Variants in CSMD3 observed in about 807,000 individuals in gnomAD.
CSMD3 encodes the protein CUB and Sushi multiple domains 3.
CSMD3 carries 177 observed loss-of-function variants against 435.2 expected under a neutral mutation model. The ratio of observed to expected loss-of-function variants is 0.41; its 90% confidence interval spans 0.36 to 0.46. CSMD3 has a LOEUF of 0.46. Among genes scored for constraint, CSMD3 ranks in the 20% least tolerant of loss-of-function variants. The pLI is 0.34. For missense variants in CSMD3, 4,265 were observed against 4,504.6 expected, an observed-to-expected ratio of 0.95 and a Z score of 1.52; for synonymous variants, 1,656 against 1,520.5, an observed-to-expected ratio of 1.09 and a Z score of -2.07.
intron 32 of CSMD3, 66 bp from the exon 33 acceptor site, chr8:112,409,098 A>G (rs1413679843): frequency 5.6e-6 from 9 of 1,608,936 alleles, no homozygotes; most frequent in East Asian, 4.5e-5. Flanking sequence ...ACAAAAAACA[A>G]AAAAATAGAA....
chr8:112,938,639 G>C (rs576157002), intron 9 of CSMD3, among the ~76,000 whole-genome samples: 5 of 152,226 alleles, frequency 3.3e-5, no homozygotes, highest in Admixed American at 2.0e-4. Flanking sequence ...GGAAATGGTA[G>C]TTTTTACTTT....
chr8:112,883,601 G>A (rs963509140), intron 10 of CSMD3, among the ~76,000 whole-genome samples: 10 of 151,792 alleles, frequency 6.6e-5, no homozygotes, highest in Admixed American at 2.6e-4. Flanking sequence ...AAATTGTACA[G>A]AGAGTTCCCA....
Position 112,223,295 on chromosome 8 carries a change from G to A in CSMD3, c.*1476C>T. 2.7e-6 allele frequency: 1 copy of A among 364,270 alleles called. No individual in the cohort carries two copies. Among genetic ancestry groups the A allele is most frequent in the Non-Finnish European group, 4.9e-6 (1 of 203,290 alleles). The allele number at this position is 364,270 out of a possible 1,614,324, so 22.6% of individuals were successfully genotyped here. ...ATTCATTAAATGTTGTAGAGATAGA[G>A]CCAAGCAGCGCTCCCAGGTGCAAGG... On this transcript the variant is annotated 3_prime_UTR_variant, in exon 71 of 71. Transcript: ENST00000297405.
chr8:112,409,936 G>A (rs1832186765), intron 32 of CSMD3, among the ~76,000 whole-genome samples: 1 of 151,680 alleles, frequency 6.6e-6, no homozygotes. Context: ...TAATTTTAAT[G>A]AAAATTTAAT....
intron 11 of CSMD3, among the ~76,000 whole-genome samples, chr8:112,855,853 G>C (rs1398474127): frequency 6.8e-6 from 1 of 147,850 alleles, no homozygotes; most frequent in Admixed American, 6.8e-5. Flanking sequence ...TCCCTGAGGA[G>C]CTATGAATCT....
At chr8:112,959,656 T>G (rs1319363080) in intron 7 of CSMD3, among the ~76,000 whole-genome samples, 2 of 151,916 alleles carry the variant, frequency 1.3e-5, no homozygotes, top group Non-Finnish European at 2.9e-5. Flanking sequence ...TTATTAATTA[T>G]AATCTTATCT....
chr8:113,060,090 C>T (rs2088542853), intron 5 of CSMD3, among the ~76,000 whole-genome samples: 1 of 139,516 alleles, frequency 7.2e-6, no homozygotes, highest in Non-Finnish European at 1.5e-5. Context: ...TGCGCTGCAC[C>T]CACTAATGTG....
At chr8:113,394,835 AGGT>A (rs1419760308) in intron 1 of CSMD3, among the ~76,000 whole-genome samples, 1 of 152,168 alleles carries the variant, frequency 6.6e-6, no homozygotes, top group African/African-American at 2.4e-5. Context: ...ACTATAATCA[AGGT>A]GTTAATAAGG....
At chr8:112,632,204 G>A (rs553845604) in intron 22 of CSMD3, among the ~76,000 whole-genome samples, 5 of 152,028 alleles carry the variant, frequency 3.3e-5, no homozygotes, top group South Asian at 2.1e-4. Context: ...CAGACAGTTC[G>A]CATATATGCT....
At chr8:112,765,798 C>T (rs888761978) in intron 13 of CSMD3, among the ~76,000 whole-genome samples, 1 of 151,652 alleles carries the variant, frequency 6.6e-6, no homozygotes, top group African/African-American at 2.4e-5. Flanking sequence ...TATTTCTACT[C>T]GGAAAGATCT....
At chr8:112,308,910 T>C (rs1821694549) in intron 50 of CSMD3, among the ~76,000 whole-genome samples, 1 of 152,008 alleles carries the variant, frequency 6.6e-6, no homozygotes, top group Admixed American at 6.6e-5. Flanking sequence ...AAAGGTGCAT[T>C]ATGCAAATAG....
intron 10 of CSMD3, among the ~76,000 whole-genome samples, chr8:112,884,687 C>T (rs2081542195): frequency 6.7e-6 from 1 of 149,900 alleles, no homozygotes; most frequent in Non-Finnish European, 1.5e-5. Context: ...TTTTTTTTTT[C>T]CACCTAATCT....
intron 1 of CSMD3, among the ~76,000 whole-genome samples, chr8:113,431,198 C>T (rs936321772): frequency 2.0e-5 from 3 of 152,178 alleles, no homozygotes; most frequent in Admixed American, 6.5e-5. Flanking sequence ...ACCGCAGTGT[C>T]TGTAATGGCA....
chr8:112,878,551 C>T (rs990041368), intron 10 of CSMD3, among the ~76,000 whole-genome samples: 3 of 152,090 alleles, frequency 2.0e-5, no homozygotes, highest in Non-Finnish European at 4.4e-5. Flanking sequence ...TTTGATCCAG[C>T]AATCTCATTA....
chr8:112,975,994 T>C lies in CSMD3; in HGVS notation c.1185A>G (p.Arg395=), dbSNP rs1456245386. 6.2e-7 allele frequency: 1 copy of C among 1,614,022 alleles called. No homozygotes were observed. Among genetic ancestry groups the C allele is most frequent in the East Asian group, 2.2e-5 (1 of 44,858 alleles). ...AATTTCTGAGACTCGTAACTTGCAC[T>C]CGCTGTTCCTCGGAAAGTCTATGGA... is the stretch of plus-strand genomic sequence containing the variant. The part of the protein sequence containing the change: ...VTIHRLSEEQ[R]VQVTSLRNSG... Residue 395 remains arginine, a synonymous_variant, in exon 7 of 71, where the codon CGA becomes CGG. Transcript: ENST00000297405.
At chr8:112,631,549 A>C (rs770027659) in intron 22 of CSMD3, among the ~76,000 whole-genome samples, 4 of 152,128 alleles carry the variant, frequency 2.6e-5, no homozygotes, top group Non-Finnish European at 4.4e-5. Flanking sequence ...TTTATTTATT[A>C]ATTGTAACAT....
At chr8:112,428,981 T>C (rs1237150778) in intron 32 of CSMD3, among the ~76,000 whole-genome samples, 1 of 152,152 alleles carries the variant, frequency 6.6e-6, no homozygotes, top group South Asian at 2.1e-4. Flanking sequence ...TTACATGAAT[T>C]GTGGAATTGT....
rs774547860 is a variant in CSMD3, at chr8:112,666,323, C to T, written c.2770G>A (p.Val924Met). The T allele has an allele frequency of 1.9e-6, 3 of 1,612,160 alleles. No individual in the cohort carries two copies. The highest frequency in any genetic ancestry group is 2.5e-6 in the Non-Finnish European group (3 of 1,178,850). Residue 924 changes from valine (V) to methionine (M), a missense_variant, in exon 17 of 71, where the codon GTG becomes ATG. Val to Met is a conservative substitution (Grantham distance 21, BLOSUM62 1). Coordinates refer to ENST00000297405, the MANE Select transcript of CSMD3 (RefSeq NM_198123.2). The part of the protein sequence containing the change: ...YYKDSLNCEW[V>M]IEAEPGHSIK... ...GAGTGTCCAGGTTCAGCTTCAATCA[C>T]CCACTCACAATTCAAAGAGTCTTTG...
chr8:113,077,308 A>T (rs1224633505), intron 5 of CSMD3, among the ~76,000 whole-genome samples: 1 of 152,096 alleles, frequency 6.6e-6, no homozygotes, highest in Non-Finnish European at 1.5e-5. Context: ...AAAATAAAAG[A>T]TAAAATGTAA....
Sources: allele counts gnomAD v4.1 joint callset (sites outside exome capture counted in the v4.1 genomes callset), GRCh38; gene constraint gnomAD v4.1.1; transcripts MANE v1.5; gene names NCBI Gene and HGNC (gene_info 2026-07-23, HGNC 2026-07-21).